The following ZNF589 variants were observed in gnomAD, a reference collection of about 807,000 sequenced individuals.
ZNF589 encodes KRAB-zinc finger protein SZF1-1.
ZNF589 carries 17 observed loss-of-function variants against 13.6 expected under a neutral mutation model. The ratio of observed to expected loss-of-function variants is 1.25; its 90% CI spans 0.86 to 1.88. The LOEUF (loss-of-function observed/expected upper bound fraction) is 1.88, where lower values mean the gene tolerates loss of function less well. Ranked by LOEUF, ZNF589 falls within the 40% of genes most tolerant of loss-of-function variation. The pLI is 0.00. For synonymous variants in ZNF589, 148 were observed against 161.6 expected (o/e 0.92, Z 0.64); for missense variants, 407 against 434.0 (o/e 0.94, Z 0.55).
At chr3:48,245,865 T>G (rs1412994359) in intron 1 of ZNF589, among the ~76,000 whole-genome samples, 1 of 151,400 alleles carries the variant, frequency 6.6e-6, no homozygotes, top group Non-Finnish European at 1.5e-5. Flanking sequence ...GAGAATTGCT[T>G]GAACCCAGGA....
rs1208381616 is a variant in ZNF589, at chr3:48,260,924, A to T, written c.208A>T (p.Asn70Tyr). The T allele has an allele frequency of 6.2e-7, 1 of 1,614,034 alleles. No homozygotes were observed. The highest frequency in any genetic ancestry group is 1.3e-5 in the African/African-American group (1 of 74,920). Residue 70 changes from asparagine (N) to tyrosine (Y), a missense_variant, in exon 3 of 4, where the codon AAT becomes TAT. Transcript: ENST00000354698. ...YKEVMLENLR[N>Y]LVSLAESKPE... ...AGAAGTGATGCTGGAAAATCTCAGG[A>T]ATCTGGTCTCATTGGGTAAGGACAT...
At chr3:48,252,902 C>T (rs1421330594) in intron 2 of ZNF589, among the ~76,000 whole-genome samples, 1 of 152,192 alleles carries the variant, frequency 6.6e-6, no homozygotes, top group Non-Finnish European at 1.5e-5. Flanking sequence ...AGGCGTGAGC[C>T]ACTGCGCCCA....
Position 48,269,563 on chromosome 3 carries a change from G to A in ZNF589, c.*777G>A. ...AGTGTGGGCGAAACTTTAGCCACAA[G>A]TCCACTCTCAGCTTACATCAGAGGA... is the stretch of plus-strand genomic sequence containing the variant. On this transcript the variant is annotated 3_prime_UTR_variant, in exon 4 of 4. Coordinates refer to ENST00000354698, the MANE Select transcript of ZNF589 (RefSeq NM_016089.3). 8.7e-6 allele frequency: 3 copies of A among 345,098 alleles called. No homozygotes were observed. The highest frequency in any genetic ancestry group is 2.5e-5 in the South Asian group (1 of 39,524). 21.4% of individuals were successfully genotyped at this position (345,098 alleles called of 1,614,324 possible).
rs994739652 is a variant in ZNF589, at chr3:48,245,202, C to T, written c.44-2423C>T. 2.6e-5 allele frequency among the ~76,000 whole-genome samples: 4 copies of T among 152,078 alleles called. No individual in the cohort carries two copies. In the East Asian group the frequency reaches 7.7e-4, roughly 29 times the overall value. Reference sequence around the variant, plus strand: ...ATCTCTCACTTCATTGCAACCTTTGCCTCTGGGGCTCAAATGATCCTGCCA... The same window carrying T: ...ATCTCTCACTTCATTGCAACCTTTGTCTCTGGGGCTCAAATGATCCTGCCA... On this transcript the variant is annotated intron_variant, in intron 1 of 3. Coordinates refer to ENST00000354698, the MANE Select transcript of ZNF589 (RefSeq NM_016089.3).
At chr3:48,266,467 C>T (rs891537950) in intron 3 of ZNF589, among the ~76,000 whole-genome samples, 2 of 152,218 alleles carry the variant, frequency 1.3e-5, no homozygotes, top group African/African-American at 4.8e-5. Flanking sequence ...AAATGAAGCC[C>T]TGGAATCATA....
intron 2 of ZNF589, among the ~76,000 whole-genome samples, chr3:48,249,354 C>T (rs1405368389): frequency 1.3e-5 from 2 of 152,190 alleles, no homozygotes; most frequent in African/African-American, 2.4e-5. Flanking sequence ...CTGCCTGCCT[C>T]GGCCTCCCAC....
intron 1 of ZNF589, among the ~76,000 whole-genome samples, chr3:48,243,860 A>T (rs963091633): frequency 1.3e-5 from 2 of 151,680 alleles, no homozygotes; most frequent in Non-Finnish European, 2.9e-5. Flanking sequence ...CCCTCTTGTC[A>T]TGAGTGGCAA....
chr3:48,258,699 C>A (rs1455349524), intron 2 of ZNF589, among the ~76,000 whole-genome samples: 3 of 152,118 alleles, frequency 2.0e-5, no homozygotes, highest in Non-Finnish European at 2.9e-5. Context: ...TTTATTAAGA[C>A]AGTAGGTGTC....
rs550793582 is a variant in ZNF589 at position 48,268,598 on chromosome 3, C to T, written c.907C>T (p.Pro303Ser). 109 of 1,613,492 alleles carry T rather than the reference C, an allele frequency of 6.8e-5. 1 individual carries two copies. The East Asian group carries it at 2.2e-3, about 33-fold the overall frequency. ...CCTGAGTACACACTCCGGGGAGAAA[C>T]CTTATGTGTGCAGCCATTGTGGGCG... ...NHLSTHSGEK[P>S]YVCSHCGRGF... Residue 303 changes from proline to serine, a missense_variant, in exon 4 of 4, where the codon CCT (proline) becomes TCT (serine). Coordinates refer to ENST00000354698, the MANE Select transcript of ZNF589 (RefSeq NM_016089.3).
At chr3:48,253,544 G>C (rs1487129514) in intron 2 of ZNF589, among the ~76,000 whole-genome samples, 2 of 148,940 alleles carry the variant, frequency 1.3e-5, no homozygotes, top group Non-Finnish European at 3.0e-5. Context: ...CTGTCGCCCA[G>C]GCTGGAGTGC....
In ZNF589 at chr3:48,241,578, C is replaced by T. The variant is rs576029499; in HGVS notation, c.43+364C>T. Among the ~76,000 whole-genome samples, 10 of 152,350 alleles carry T rather than the reference C, an allele frequency of 6.6e-5. 1 individual carries two copies. The South Asian group carries it at 2.1e-3, about 32-fold the overall frequency. ...ACGGAGTCTCGCTCTGTCGCCCAGG[C>T]TGGAGTGCAGTGGCGCGATCTCCGT... On this transcript the variant is annotated intron_variant, in intron 1 of 3. Coordinates refer to ENST00000354698, the MANE Select transcript of ZNF589 (RefSeq NM_016089.3).
At chr3:48,253,060 G>T (rs1575292888) in intron 2 of ZNF589, among the ~76,000 whole-genome samples, 1 of 150,268 alleles carries the variant, frequency 6.7e-6, no homozygotes, top group Non-Finnish European at 1.5e-5. Flanking sequence ...TGAGACAGAA[G>T]ATCCCTCTGT....
rs554507937 is a variant in ZNF589, at chr3:48,263,967, T to C, written c.223+3028T>C. ...CATTTACTCAAAAGTATGTATTGAC[T>C]ATTAAACACTGGGTCTAGTTCTGCA... On this transcript the variant is annotated intron_variant, in intron 3 of 3. Transcript: ENST00000354698. Among the ~76,000 whole-genome samples the C allele has an allele frequency of 2.1e-4, 32 of 152,350 alleles. 1 individual carries two copies. The highest frequency in any genetic ancestry group is 1.6e-3 in the Admixed American group (24 of 15,306).
rs534143389 is a variant in ZNF589, at chr3:48,270,593, C to G, written c.*1807C>G. The stretch of plus-strand genomic sequence containing the variant: ...GGGCTGGGGCTAGCCCTACCTGATA[C>G]CCTGTGTCAATGAGTGTACCTTGGA... On this transcript the variant is annotated 3_prime_UTR_variant, in exon 4 of 4. Coordinates refer to ENST00000354698, the MANE Select transcript of ZNF589 (RefSeq NM_016089.3). 6 of 278,324 alleles carry G rather than the reference C, an allele frequency of 2.2e-5. No individual in the cohort carries two copies. The highest frequency in any genetic ancestry group is 3.5e-5 in the Non-Finnish European group (5 of 141,626). 17.2% of individuals were successfully genotyped at this position (278,324 alleles called of 1,614,324 possible).
intron 2 of ZNF589, among the ~76,000 whole-genome samples, chr3:48,250,790 T>A (rs780767613): frequency 2.8e-4 from 43 of 151,306 alleles, no homozygotes; most frequent in Non-Finnish European, 5.7e-4. Context: ...GTCTTATATT[T>A]GTTTTGTGAA....
intron 1 of ZNF589, among the ~76,000 whole-genome samples, chr3:48,243,735 T>A (rs1179100051): frequency 6.7e-6 from 1 of 149,334 alleles, no homozygotes; most frequent in Non-Finnish European, 1.5e-5. Context: ...GAGGTTGCAG[T>A]GAGCTTAGAT....
intron 3 of ZNF589, among the ~76,000 whole-genome samples, chr3:48,267,184 C>A (rs2034027217): frequency 6.6e-6 from 1 of 152,150 alleles, no homozygotes; most frequent in African/African-American, 2.4e-5. Flanking sequence ...GGCTCTTGGT[C>A]CTCCAATCCA....
intron 1 of ZNF589, among the ~76,000 whole-genome samples, chr3:48,245,853 A>C (rs574087182): frequency 3.8e-4 from 58 of 151,950 alleles, no homozygotes; most frequent in African/African-American, 1.4e-3. Flanking sequence ...AGGCTGATGC[A>C]GGAGAATTGC....
rs369664495 is a variant in ZNF589 at position 48,268,821 on chromosome 3, C to G, written c.*35C>G. ...TTTGTAAGGAGATCATGTCTCAACA[C>G]ACACCAGAGGATACATTCAGATGAG... On this transcript the variant is annotated 3_prime_UTR_variant, in exon 4 of 4. Coordinates refer to ENST00000354698, the MANE Select transcript of ZNF589 (RefSeq NM_016089.3). The G allele has an allele frequency of 6.3e-7, 1 of 1,584,914 alleles. No individual in the cohort carries two copies. The highest frequency in any genetic ancestry group is 1.4e-5 in the African/African-American group (1 of 73,680).
Sources: allele counts gnomAD v4.1 joint callset (sites outside exome capture counted in the v4.1 genomes callset), GRCh38; gene constraint gnomAD v4.1.1; transcripts MANE v1.5; gene names NCBI Gene and HGNC (gene_info 2026-07-23, HGNC 2026-07-21).